Variants in GRAMD1B observed in about 807,000 individuals in gnomAD.
GRAMD1B encodes the protein protein Aster-B.
GRAMD1B carries 37 observed loss-of-function variants against 99.7 expected under a neutral mutation model. The ratio of observed to expected loss-of-function variants is 0.37; its 90% CI spans 0.29 to 0.49. GRAMD1B has a LOEUF of 0.49. Among genes scored for constraint, GRAMD1B ranks in the 20% least tolerant of loss-of-function variants. GRAMD1B has a pLI of 0.98. For synonymous variants in GRAMD1B, 427 were observed against 387.6 expected, an observed-to-expected ratio of 1.10 and a Z score of -1.19; for missense variants, 888 against 1,009.2, an observed-to-expected ratio of 0.88 and a Z score of 1.63.
intron 1 of GRAMD1B, among the ~76,000 whole-genome samples, chr11:123,442,186 G>A (rs988071998): frequency 6.6e-6 from 1 of 152,120 alleles, no homozygotes; most frequent in African/African-American, 2.4e-5. Context: ...CAGGTTCAGG[G>A]CTCAGTCCTC....
chr11:123,621,297 A>G lies in GRAMD1B; in HGVS notation c.2545-1209A>G, dbSNP rs367712696. On this transcript the variant is annotated intron_variant, in intron 19 of 19. Transcript: ENST00000635736. The stretch of plus-strand genomic sequence containing the variant: ...ACAGTATGTAAATATGTGAATATTT[A>G]AATATATGATGGTATGATGGGCCAT... Among the ~76,000 whole-genome samples, 3 of 152,210 alleles carry G rather than the reference A, an allele frequency of 2.0e-5. No homozygotes were observed. In the South Asian group the frequency reaches 6.2e-4, roughly 32 times the overall value.
chr11:123,588,073 T>C (rs1419510987), intron 4 of GRAMD1B, among the ~76,000 whole-genome samples: 3 of 146,842 alleles, frequency 2.0e-5, no homozygotes, highest in Admixed American at 1.4e-4. Context: ...CCTCCTTTGC[T>C]CAGTTACGTC....
At chr11:123,432,212 G>A in intron 1 of GRAMD1B, 2 of 393,356 alleles carry the variant, frequency 5.1e-6, no homozygotes, top group Non-Finnish European at 9.0e-6. Context: ...GGAAGGATAG[G>A]TAGAGTAAGG....
chr11:123,499,592 G>T (rs1447853951), intron 2 of GRAMD1B, among the ~76,000 whole-genome samples: 1 of 152,128 alleles, frequency 6.6e-6, no homozygotes, highest in Non-Finnish European at 1.5e-5. Context: ...TTATCCTCAG[G>T]CATGTAAGCA....
chr11:123,400,173 A>C (rs1034914357), intron 1 of GRAMD1B, among the ~76,000 whole-genome samples: 2 of 152,108 alleles, frequency 1.3e-5, no homozygotes, highest in African/African-American at 4.8e-5. Context: ...TAGACCGGAT[A>C]CCTTATAAAA....
At chr11:123,534,677 A>G (rs1443199725) in intron 2 of GRAMD1B, among the ~76,000 whole-genome samples, 31 of 152,106 alleles carry the variant, frequency 2.0e-4, no homozygotes. Context: ...AGGCTGGCCA[A>G]CATGGTGAAA....
At chr11:123,525,099 T>C (rs1343291107) in intron 2 of GRAMD1B, among the ~76,000 whole-genome samples, 1 of 152,208 alleles carries the variant, frequency 6.6e-6, no homozygotes, top group Non-Finnish European at 1.5e-5. Context: ...TCATGTTGCC[T>C]AAATCCTAAA....
At chr11:123,583,048 ATG>A (rs762694068) in intron 3 of GRAMD1B, among the ~76,000 whole-genome samples, 14 of 148,654 alleles carry the variant, frequency 9.4e-5, no homozygotes, top group Non-Finnish European at 1.6e-4. Flanking sequence ...GTGTGTATAT[ATG>A]TGTGTCTCTG....
intron 2 of GRAMD1B, among the ~76,000 whole-genome samples, chr11:123,505,893 T>C (rs1336611417): frequency 6.6e-6 from 1 of 152,232 alleles, no homozygotes; most frequent in Non-Finnish European, 1.5e-5. Flanking sequence ...ACCTGTCATC[T>C]ACATATACAG....
At chr11:123,367,077 TCTGTAGTCGTAG>T (rs745666484) in intron 1 of GRAMD1B, among the ~76,000 whole-genome samples, 1 of 151,962 alleles carries the variant, frequency 6.6e-6, no homozygotes, top group Non-Finnish European at 1.5e-5. Context: ...ATGGCATGCG[TCTGTAGTCGTAG>T]CTACTTGGGA....
At chr11:123,451,096 A>G (rs1006536948) in intron 1 of GRAMD1B, among the ~76,000 whole-genome samples, 4 of 152,220 alleles carry the variant, frequency 2.6e-5, no homozygotes, top group African/African-American at 9.7e-5. Flanking sequence ...ACTCACAAGG[A>G]CACAAATGAA....
chr11:123,415,064 C>CT (rs1322243550), intron 1 of GRAMD1B, among the ~76,000 whole-genome samples: 8 of 95,464 alleles, frequency 8.4e-5, no homozygotes, highest in Non-Finnish European at 1.9e-4. Context: ...GCTGCCTTTT[C>CT]TTTTTTTTCT....
chr11:123,405,635 G>A (rs1299449105), intron 1 of GRAMD1B, among the ~76,000 whole-genome samples: 14 of 152,114 alleles, frequency 9.2e-5, no homozygotes, highest in Non-Finnish European at 1.5e-5. Flanking sequence ...GATACGGCCT[G>A]TACCAAGTCA....
At chr11:123,547,035 A>G (rs556533539) in intron 2 of GRAMD1B, among the ~76,000 whole-genome samples, 18 of 150,366 alleles carry the variant, frequency 1.2e-4, no homozygotes, top group Non-Finnish European at 2.2e-4. Flanking sequence ...ATATCAACCC[A>G]CTCTTTTGGA....
At chr11:123,536,676 G>C (rs190901647) in intron 2 of GRAMD1B, among the ~76,000 whole-genome samples, 1 of 152,176 alleles carries the variant, frequency 6.6e-6, no homozygotes, top group South Asian at 2.1e-4. Context: ...GCCTTAGGTG[G>C]GGCCAGCGAG....
chr11:123,376,430 A>G (rs911462085), intron 1 of GRAMD1B, among the ~76,000 whole-genome samples: 7 of 152,172 alleles, frequency 4.6e-5, no homozygotes, highest in Admixed American at 3.9e-4. Flanking sequence ...CTCCGTTGTT[A>G]ATATAAATTG....
intron 18 of GRAMD1B, 141 bp downstream of exon 18, chr11:123,618,941 C>A: frequency 1.4e-6 from 1 of 706,308 alleles, no homozygotes. Flanking sequence ...GAATCTCTCC[C>A]TATAGTTTCA....
intron 3 of GRAMD1B, 136 bp from the exon 4 acceptor site, chr11:123,584,176 C>A: frequency 1.7e-6 from 1 of 577,584 alleles, no homozygotes. Flanking sequence ...CCTGAGCAAC[C>A]ACATGGGAAG....
chr11:123,497,920 AAT>A (rs1298986529), intron 2 of GRAMD1B, among the ~76,000 whole-genome samples: 25 of 141,718 alleles, frequency 1.8e-4, no homozygotes, highest in Non-Finnish European at 3.2e-4. Context: ...AAAAAAAAAA[AAT>A]GGTAAGCTAA....
Sources: allele counts gnomAD v4.1 joint callset (sites outside exome capture counted in the v4.1 genomes callset), GRCh38; gene constraint gnomAD v4.1.1; transcripts MANE v1.5; gene names NCBI Gene and HGNC (gene_info 2026-07-23, HGNC 2026-07-21).